Variants in CCDC198 observed in about 807,000 individuals in gnomAD.
CCDC198 encodes coiled-coil domain containing 198.
Under a neutral mutation model 35.6 loss-of-function variants are expected in CCDC198, and 18 were observed. The ratio of observed to expected loss-of-function variants is 0.51; its 90% CI spans 0.35 to 0.75. CCDC198 has a LOEUF of 0.75. Ranked by LOEUF, CCDC198 falls within the 30% of genes least tolerant of loss-of-function variation. CCDC198 has a pLI of 0.01. For missense variants in CCDC198, 365 were observed against 343.7 expected (o/e 1.06, Z -0.49); for synonymous variants, 119 against 113.4 (o/e 1.05, Z -0.31).
At chr14:57,491,195 C>T in intron 1 of CCDC198, 124 bp from the exon 2 acceptor site, 1 of 907,718 alleles carries the variant, frequency 1.1e-6, no homozygotes, top group South Asian at 1.7e-5. Flanking sequence ...ATATGTCTAA[C>T]CTGTGGGTTG....
In CCDC198 at chr14:57,493,608, AT is replaced by A. The variant is rs1365316459; in HGVS notation, c.107del (p.Asn36IlefsTer77). On this transcript the variant is annotated frameshift_variant, in exon 1 of 6. Coordinates refer to ENST00000216445, the MANE Select transcript of CCDC198 (RefSeq NM_018168.4). LOFTEE classifies it high-confidence loss of function. ...PSAGRVDFAF[N>X]QNLEEKTSYS... ...ATGAAGTCTTTTCTTCCAAATTCTGATTGAATGCAAAGTCCACACGGCCAGC... is the reference window on the plus strand; with the variant it reads ...ATGAAGTCTTTTCTTCCAAATTCTGATGAATGCAAAGTCCACACGGCCAGC... The A allele has an allele frequency of 6.2e-7, 1 of 1,613,922 alleles. No homozygotes were observed. Among genetic ancestry groups the A allele is most frequent in the Non-Finnish European group, 8.5e-7 (1 of 1,179,912 alleles).
At chr14:57,492,181 T>C (rs3783686) in intron 1 of CCDC198, among the ~76,000 whole-genome samples, 82,310 of 151,670 alleles carry the variant, frequency 0.54, 23,143 homozygotes, top group East Asian at 0.82. Flanking sequence ...TGATTACAAG[T>C]GAAAAAAATT....
chr14:57,481,273 C>G (rs1025377363), intron 4 of CCDC198, among the ~76,000 whole-genome samples: 2 of 152,164 alleles, frequency 1.3e-5, no homozygotes, highest in Non-Finnish European at 2.9e-5. Flanking sequence ...GAAAAATGAT[C>G]TAGCCCCATT....
At chr14:57,476,704 C>T (rs1566574813) in intron 5 of CCDC198, among the ~76,000 whole-genome samples, 1 of 152,152 alleles carries the variant, frequency 6.6e-6, no homozygotes, top group African/African-American at 2.4e-5. Flanking sequence ...CACCTTTCAA[C>T]AGGGGAACAA....
intron 2 of CCDC198, among the ~76,000 whole-genome samples, chr14:57,489,298 C>A (rs964546690): frequency 2.0e-5 from 3 of 152,134 alleles, no homozygotes; most frequent in African/African-American, 7.2e-5. Flanking sequence ...ACTACATGTT[C>A]TCACTTATAA....
rs1594771479 is a variant in CCDC198, at chr14:57,471,151, C to A, written c.*204G>T. On this transcript the variant is annotated 3_prime_UTR_variant, in exon 6 of 6. Transcript: ENST00000216445. ...AGACAATAAAATGGCTCTTGGTTAG[C>A]CCCTGTGTTTTGAGGCATTTAGTTA... The A allele has an allele frequency of 2.1e-6, 1 of 487,474 alleles. No individual in the cohort carries two copies. The highest frequency in any genetic ancestry group is 3.6e-5 in the East Asian group (1 of 27,772). The allele number at this position is 487,474 out of a possible 1,614,324, so 30.2% of individuals were successfully genotyped here.
At chr14:57,482,885 C>T (rs1304586891) in intron 3 of CCDC198, among the ~76,000 whole-genome samples, 180 bp downstream of exon 3, 1 of 152,180 alleles carries the variant, frequency 6.6e-6, no homozygotes, top group Non-Finnish European at 1.5e-5. Context: ...CAGTTGGAGG[C>T]ATGCACAGAA....
intron 5 of CCDC198, chr14:57,478,660 G>T: frequency 2.0e-6 from 2 of 993,800 alleles, no homozygotes; most frequent in Middle Eastern, 5.2e-4. Context: ...TTTTTTTCTT[G>T]GTTGTTTTGT....
chr14:57,490,308 G>C (rs1376057451), intron 2 of CCDC198, among the ~76,000 whole-genome samples: 1 of 152,146 alleles, frequency 6.6e-6, no homozygotes, highest in East Asian at 1.9e-4. Flanking sequence ...AAAATGTATA[G>C]CTAGCTGCAG....
chr14:57,491,093 C>T, intron 1 of CCDC198, 22 bp from the exon 2 acceptor site: 2 of 1,605,240 alleles, frequency 1.2e-6, no homozygotes, highest in Non-Finnish European at 1.7e-6. Flanking sequence ...GGGGAAGAAA[C>T]AGGAATAAAA....
At chr14:57,490,168 A>G (rs908849711) in intron 2 of CCDC198, among the ~76,000 whole-genome samples, 1 of 152,142 alleles carries the variant, frequency 6.6e-6, no homozygotes, top group African/African-American at 2.4e-5. Context: ...ATTGTGTAGC[A>G]GGTGGGATTT....
intron 5 of CCDC198, chr14:57,479,040 A>G (rs1053556827): frequency 7.8e-7 from 1 of 1,288,160 alleles, no homozygotes; most frequent in Admixed American, 2.3e-5. Flanking sequence ...GGAAATACAA[A>G]CAAGGAAAAC....
intron 2 of CCDC198, among the ~76,000 whole-genome samples, chr14:57,486,785 G>T (rs896815030): frequency 2.0e-5 from 3 of 152,100 alleles, no homozygotes; most frequent in African/African-American, 7.2e-5. Context: ...GTATAAATAT[G>T]TAGTTTCACA....
intron 2 of CCDC198, among the ~76,000 whole-genome samples, chr14:57,487,855 G>A (rs1274146667): frequency 6.6e-6 from 1 of 152,202 alleles, no homozygotes; most frequent in Non-Finnish European, 1.5e-5. Context: ...TGGAAAATGT[G>A]CTGAGCTTCA....
intron 2 of CCDC198, among the ~76,000 whole-genome samples, chr14:57,486,596 T>C (rs1250455138): frequency 6.6e-6 from 1 of 152,150 alleles, no homozygotes; most frequent in Non-Finnish European, 1.5e-5. Flanking sequence ...TCTTTCTAGG[T>C]TGGGGGCCAT....
intron 2 of CCDC198, among the ~76,000 whole-genome samples, chr14:57,487,032 G>A (rs1270440055): frequency 6.6e-6 from 1 of 152,086 alleles, no homozygotes; most frequent in Non-Finnish European, 1.5e-5. Context: ...GCAGAAAATT[G>A]TTGGTGAAAT....
intron 5 of CCDC198, chr14:57,479,075 C>T: frequency 1.6e-6 from 2 of 1,228,058 alleles, no homozygotes; most frequent in Non-Finnish European, 2.1e-6. Flanking sequence ...ATTGGTGGGG[C>T]AATGTAGCGT....
At chr14:57,480,298 G>C (rs1196614097) in intron 5 of CCDC198, 3 of 985,390 alleles carry the variant, frequency 3.0e-6, no homozygotes, top group Non-Finnish European at 3.6e-6. Flanking sequence ...CACAAGATGA[G>C]GCTATTTTGC....
At position 57,481,572 on chromosome 14, in the gene CCDC198, C is replaced by T. The variant is rs745990428; in HGVS notation, c.482G>A (p.Arg161His). 73 of 1,609,588 alleles carry T rather than the reference C, an allele frequency of 4.5e-5. No homozygotes were observed. In the Middle Eastern group the frequency reaches 6.7e-4, roughly 15 times the overall value. ...TCTCGTATTTACCTCTTGTCTTTTA[C>T]GGATCATTTCCAGCACTTGCATCTT... is the stretch of plus-strand genomic sequence containing the variant. Reference protein sequence around the residue: ...LHKMQVLEMIRKRQEAQMELK... With the variant: ...LHKMQVLEMIHKRQEAQMELK... Residue 161 changes from arginine to histidine, a missense_variant, in exon 4 of 6, where the codon CGT becomes CAT. Physicochemically the swap from Arg to His is conservative, Grantham distance 29. Coordinates refer to ENST00000216445, the MANE Select transcript of CCDC198 (RefSeq NM_018168.4).
Sources: gnomAD v4.1 joint callset for allele counts (sites outside exome capture counted in the v4.1 genomes callset) on GRCh38, gnomAD v4.1.1 for gene constraint, MANE v1.5 for transcripts, NCBI Gene and HGNC (gene_info 2026-07-23, HGNC 2026-07-21) for gene names.